The following PPP2R3A variants were observed in gnomAD, a reference collection of about 807,000 sequenced individuals.
The protein encoded by PPP2R3A is serine/threonine-protein phosphatase 2A regulatory subunit B'' subunit alpha.
Under a neutral mutation model 106.9 loss-of-function variants are expected in PPP2R3A, and 80 were observed. That is an observed-to-expected ratio of 0.75 (90% CI 0.62 to 0.90). PPP2R3A has a LOEUF of 0.90. Ranked by LOEUF, PPP2R3A falls within the 40% of genes least tolerant of loss-of-function variation. The pLI is 0.00. For synonymous variants in PPP2R3A, 483 were observed against 468.3 expected (o/e 1.03, Z -0.41); for missense variants, 1,386 against 1,350.4 (o/e 1.03, Z -0.41).
intron 5 of PPP2R3A, among the ~76,000 whole-genome samples, chr3:136,068,092 C>T (rs930721708): frequency 2.6e-5 from 4 of 152,136 alleles, no homozygotes; most frequent in Non-Finnish European, 4.4e-5. Flanking sequence ...GTGGCACACA[C>T]CTGTAGTTCC....
At chr3:136,070,151 C>G (rs574243815) in intron 5 of PPP2R3A, among the ~76,000 whole-genome samples, 20 of 152,096 alleles carry the variant, frequency 1.3e-4, no homozygotes, top group Admixed American at 1.3e-3. Flanking sequence ...CATAATACCT[C>G]GACAATAATC....
intron 5 of PPP2R3A, among the ~76,000 whole-genome samples, chr3:136,053,817 A>G (rs906028303): frequency 2.6e-5 from 4 of 152,218 alleles, no homozygotes; most frequent in Non-Finnish European, 4.4e-5. Flanking sequence ...TTGGTACTCA[A>G]GAAAGATACC....
intron 13 of PPP2R3A, among the ~76,000 whole-genome samples, chr3:136,113,656 G>A (rs773106345): frequency 2.0e-4 from 30 of 152,130 alleles, no homozygotes; most frequent in Middle Eastern, 6.8e-3. Context: ...ACAAAACAGT[G>A]TGGTAGCACT....
At position 136,145,254 on chromosome 3, in the gene PPP2R3A, A is replaced by T; in HGVS notation, c.*88A>T. 2.8e-6 allele frequency: 4 copies of T among 1,453,540 alleles called. No homozygotes were observed. Among genetic ancestry groups the T allele is most frequent in the Non-Finnish European group, 2.8e-6 (3 of 1,090,712 alleles). 90.0% of individuals were successfully genotyped at this position (1,453,540 alleles called of 1,614,324 possible). ...GTTCTCGTTTGCATACTGCTTTTTA[A>T]AGACTTTGATTTCTCCAAGTGTGTA... On this transcript the variant is annotated 3_prime_UTR_variant, in exon 14 of 14. Transcript: ENST00000264977.
intron 2 of PPP2R3A, among the ~76,000 whole-genome samples, chr3:136,015,611 C>T (rs1383263531): frequency 6.6e-6 from 1 of 151,930 alleles, no homozygotes; most frequent in Non-Finnish European, 1.5e-5. Context: ...TGAAGGTGTT[C>T]ATAGTAGCCT....
intron 9 of PPP2R3A, among the ~76,000 whole-genome samples, chr3:136,088,945 CTTG>C (rs1416641194): frequency 2.0e-5 from 3 of 151,836 alleles, no homozygotes; most frequent in Non-Finnish European, 4.4e-5. Context: ...TTGTTTTTTG[CTTG>C]TTGATTTAAG....
intron 5 of PPP2R3A, among the ~76,000 whole-genome samples, chr3:136,054,539 G>A (rs1383233361): frequency 6.6e-6 from 1 of 152,118 alleles, no homozygotes; most frequent in Non-Finnish European, 1.5e-5. Flanking sequence ...TTACAGGCAT[G>A]AGCCACCGCG....
chr3:136,132,337 C>G (rs1938459774), intron 13 of PPP2R3A, among the ~76,000 whole-genome samples: 1 of 151,948 alleles, frequency 6.6e-6, no homozygotes, highest in Non-Finnish European at 1.5e-5. Context: ...ACTGTATATT[C>G]ACAGATGATG....
At chr3:136,038,581 G>A (rs188812997) in intron 3 of PPP2R3A, among the ~76,000 whole-genome samples, 1 of 152,270 alleles carries the variant, frequency 6.6e-6, no homozygotes, top group Admixed American at 6.5e-5. Flanking sequence ...TGACTCTAAT[G>A]GTGGGAGTTT....
At chr3:136,030,186 C>G (rs956174958) in intron 3 of PPP2R3A, among the ~76,000 whole-genome samples, 1 of 151,778 alleles carries the variant, frequency 6.6e-6, no homozygotes, top group East Asian at 1.9e-4. Context: ...CCACCACACT[C>G]CAGCCTGGGT....
intron 5 of PPP2R3A, among the ~76,000 whole-genome samples, chr3:136,050,609 G>A (rs1935652876): frequency 6.6e-6 from 1 of 152,192 alleles, no homozygotes; most frequent in Non-Finnish European, 1.5e-5. Flanking sequence ...CTGCCTAGAT[G>A]CACACACAGC....
At chr3:136,042,088 AACAG>A (rs1159100670) in intron 4 of PPP2R3A, among the ~76,000 whole-genome samples, 1 of 152,214 alleles carries the variant, frequency 6.6e-6, no homozygotes, top group Non-Finnish European at 1.5e-5. Context: ...CAGCAGATTG[AACAG>A]ACAGATTCTT....
intron 2 of PPP2R3A, among the ~76,000 whole-genome samples, chr3:136,004,026 A>C (rs1347947887): frequency 6.6e-6 from 1 of 152,206 alleles, no homozygotes; most frequent in Non-Finnish European, 1.5e-5. Context: ...ACAATGTCTG[A>C]AACAGTTCAT....
At chr3:136,058,153 A>C (rs1009604504) in intron 5 of PPP2R3A, among the ~76,000 whole-genome samples, 2 of 152,150 alleles carry the variant, frequency 1.3e-5, no homozygotes, top group Admixed American at 6.5e-5. Context: ...TGAATGATCA[A>C]CTACAATGGT....
intron 9 of PPP2R3A, among the ~76,000 whole-genome samples, chr3:136,089,606 T>G (rs1937042985): frequency 8.0e-6 from 1 of 124,648 alleles, no homozygotes; most frequent in Non-Finnish European, 1.7e-5. Context: ...ATGGTGTTGT[T>G]TTTTTTTTTT....
intron 13 of PPP2R3A, among the ~76,000 whole-genome samples, chr3:136,141,595 T>C (rs1938876569): frequency 6.6e-6 from 1 of 152,168 alleles, no homozygotes; most frequent in Admixed American, 6.6e-5. Flanking sequence ...GTTAATTAAT[T>C]CAGGAGTGAA....
At chr3:136,027,202 G>C in intron 3 of PPP2R3A, 104 bp downstream of exon 3, 2 of 1,069,722 alleles carry the variant, frequency 1.9e-6, no homozygotes, top group Non-Finnish European at 2.6e-6. Context: ...CTGCCTCTTT[G>C]CTCTGTTTTT....
At chr3:135,977,412 ATACAG>A (rs1217600206) in intron 1 of PPP2R3A, among the ~76,000 whole-genome samples, 3 of 152,216 alleles carry the variant, frequency 2.0e-5, no homozygotes, top group African/African-American at 7.2e-5. Flanking sequence ...TGATGCAAAC[ATACAG>A]TCGTTAGAAG....
intron 13 of PPP2R3A, among the ~76,000 whole-genome samples, chr3:136,116,221 C>T (rs999966574): frequency 2.6e-5 from 4 of 152,140 alleles, no homozygotes; most frequent in African/African-American, 9.7e-5. Flanking sequence ...CAGGCCTGCC[C>T]TAAAAGAGCT....
Sources: gnomAD v4.1 joint callset for allele counts (sites outside exome capture counted in the v4.1 genomes callset) on GRCh38, gnomAD v4.1.1 for gene constraint, MANE v1.5 for transcripts, NCBI Gene and HGNC (gene_info 2026-07-23, HGNC 2026-07-21) for gene names.